Variants in PCDHGA4 observed in about 807,000 individuals in gnomAD.
PCDHGA4 encodes the protein protocadherin gamma-A4.
A neutral mutation model predicts 54.6 loss-of-function variants in PCDHGA4; 38 were observed. That is an observed-to-expected ratio of 0.70 (90% CI 0.54 to 0.91). PCDHGA4 has a LOEUF of 0.91. Ranked by LOEUF, PCDHGA4 falls within the 40% of genes least tolerant of loss-of-function variation. The probability of loss-of-function intolerance (pLI) is 0.00; values close to 1 mark genes in which losing one functional copy is unlikely to be tolerated. For missense variants in PCDHGA4, 1,298 were observed against 1,220.9 expected (o/e 1.06, Z -0.94); for synonymous variants, 511 against 512.9 (o/e 1.00, Z 0.05).
At position 141,476,978 on chromosome 5, in the gene PCDHGA4, C is replaced by T; in HGVS notation, c.2515-17829C>T. 2 of 1,614,256 alleles carry T rather than the reference C, an allele frequency of 1.2e-6. No homozygotes were observed. Among genetic ancestry groups the T allele is most frequent in the Non-Finnish European group, 1.7e-6 (2 of 1,180,058 alleles). ...TATTTACTCCTTCGGCAGCCACAAC[C>T]GCGCCGGCGTGCGGCAACTATTCGC... On this transcript the variant is annotated intron_variant, in intron 1 of 3. Coordinates refer to ENST00000571252, the MANE Select transcript of PCDHGA4 (RefSeq NM_018917.4). This position sits in a 1 kb window ranked among gnomAD's most constrained non-coding sequence, Gnocchi z 7.6.
At chr5:141,417,345 A>G (rs937116752) in intron 1 of PCDHGA4, 3 of 153,022 alleles carry the variant, frequency 2.0e-5, no homozygotes, top group African/African-American at 7.2e-5. Flanking sequence ...GAGACCTATA[A>G]ACCTTCATGC....
chr5:141,365,027 C>G, intron 1 of PCDHGA4: 1 of 1,613,896 alleles, frequency 6.2e-7, no homozygotes, highest in Non-Finnish European at 8.5e-7. Flanking sequence ...TGTTACGGTC[C>G]TCGACGCAAA....
intron 1 of PCDHGA4, chr5:141,414,350 C>G (rs1450829111): frequency 6.2e-7 from 1 of 1,613,726 alleles, no homozygotes; most frequent in East Asian, 2.2e-5. Context: ...TCCATTTTGG[C>G]GTATCTACCA....
intron 1 of PCDHGA4, chr5:141,372,919 A>T (rs1404152823): frequency 9.8e-7 from 1 of 1,018,038 alleles, no homozygotes; most frequent in Admixed American, 3.0e-5. Context: ...TATTTTATTG[A>T]TTTTCTGGTG....
In PCDHGA4 at chr5:141,356,344, G is replaced by T; in HGVS notation, c.1237G>T (p.Val413Phe). The change falls in exon 1 of 4, where the codon GTC (valine) becomes TTC (phenylalanine). Residue 413 changes from valine (V) to phenylalanine (F), a missense_variant. Transcript: ENST00000571252. ...HDSDSGGNGL[V>F]TCSIPDNLPF... ...CAGTGACTCAGGAGGAAATGGCCTA[G>T]TCACATGTTCTATTCCAGATAATCT... is the stretch of plus-strand genomic sequence containing the variant. 6.4e-7 allele frequency: 1 copy of T among 1,555,242 alleles called. No individual in the cohort carries two copies. Among genetic ancestry groups the T allele is most frequent in the South Asian group, 1.2e-5 (1 of 84,740 alleles).
intron 2 of PCDHGA4, among the ~76,000 whole-genome samples, chr5:141,498,825 C>A (rs2099786017): frequency 6.6e-6 from 1 of 151,974 alleles, no homozygotes; most frequent in Admixed American, 6.6e-5. Flanking sequence ...CCCAGCTACT[C>A]AGGAGGCTGA....
At position 141,379,889 on chromosome 5, in the gene PCDHGA4, C is replaced by CTTT. The variant is rs70988800; in HGVS notation, c.2514+22296_2514+22298dup. On this transcript the variant is annotated intron_variant, in intron 1 of 3. Transcript: ENST00000571252. Reference sequence around the variant, plus strand: ...CTTATTTTATGGTCTGTGAAAGCCTCTTTTTTTTTTTTTTTTTTTTTTTTT... The same window carrying CTTT: ...CTTATTTTATGGTCTGTGAAAGCCTCTTTTTTTTTTTTTTTTTTTTTTTTTTTT... Among the ~76,000 whole-genome samples the CTTT allele has an allele frequency of 4.3e-3, 221 of 50,830 alleles. 36 individuals are homozygous for CTTT. The highest frequency in any genetic ancestry group is 5.4e-3 in the Non-Finnish European group (141 of 25,886). The allele number at this position is 50,830 out of a possible 152,430, so 33.3% of individuals were successfully genotyped here.
At position 141,485,930 on chromosome 5, in the gene PCDHGA4, G is replaced by C; in HGVS notation, c.2515-8877G>C. ...ATCCAGCTACAGGATTAGTGTGTTGGAGAGCGCACCAGCGGGCATGGTGCT... is the reference window on the plus strand; with the variant it reads ...ATCCAGCTACAGGATTAGTGTGTTGCAGAGCGCACCAGCGGGCATGGTGCT... On this transcript the variant is annotated intron_variant, in intron 1 of 3. Coordinates refer to ENST00000571252, the MANE Select transcript of PCDHGA4 (RefSeq NM_018917.4). The surrounding 1 kb of genome is among the most constrained non-coding windows in gnomAD (Gnocchi z 5.7). 6.2e-7 allele frequency: 1 copy of C among 1,614,178 alleles called. No homozygotes were observed. The highest frequency in any genetic ancestry group is 8.5e-7 in the Non-Finnish European group (1 of 1,180,042).
intron 1 of PCDHGA4, among the ~76,000 whole-genome samples, chr5:141,438,948 G>A (rs2154558298): frequency 6.6e-6 from 1 of 152,142 alleles, no homozygotes; most frequent in Middle Eastern, 3.4e-3. Context: ...TTATAGGCAT[G>A]AGCCACCGCA....
intron 1 of PCDHGA4, 84 bp from the exon 2 acceptor site, chr5:141,494,723 C>T: frequency 1.9e-6 from 3 of 1,606,114 alleles, no homozygotes; most frequent in Non-Finnish European, 2.6e-6. Flanking sequence ...TCCCCTCCTT[C>T]TCTCCCGGCC....
rs2098680935 is a variant in PCDHGA4, at chr5:141,450,471, G to A, written c.2515-44336G>A. 2.0e-5 allele frequency among the ~76,000 whole-genome samples: 3 copies of A among 147,910 alleles called. No homozygotes were observed. In the South Asian group the frequency reaches 6.2e-4, roughly 31 times the overall value. ...GTTTCCTCGTGATTTTATATATAGA[G>A]TTTGTTTGTTTGTTTGTCTGTTTGT... On this transcript the variant is annotated intron_variant, in intron 1 of 3. Transcript: ENST00000571252.
At chr5:141,374,010 T>A in intron 1 of PCDHGA4, 1 of 1,364,772 alleles carries the variant, frequency 7.3e-7, no homozygotes, top group Non-Finnish European at 9.6e-7. Flanking sequence ...CACCGCTATT[T>A]CTGAGAAGAG....
At chr5:141,407,980 C>G in intron 1 of PCDHGA4, 1 of 760,358 alleles carries the variant, frequency 1.3e-6, no homozygotes, top group Non-Finnish European at 2.0e-6. Flanking sequence ...CGCCGGGGAT[C>G]CGTCAGCCTC....
chr5:141,432,873 T>A lies in PCDHGA4; in HGVS notation c.2515-61934T>A, dbSNP rs753576338. ...GTGGCCGCGGTCTCCTGCGTCTTCCTGGCCTTCGTCATCTTGCTGCTGGCG... is the reference window on the plus strand; with the variant it reads ...GTGGCCGCGGTCTCCTGCGTCTTCCAGGCCTTCGTCATCTTGCTGCTGGCG... On this transcript the variant is annotated intron_variant, in intron 1 of 3. Transcript: ENST00000571252. This position sits in a 1 kb window ranked among gnomAD's most constrained non-coding sequence, Gnocchi z 6.0. 1.4e-5 allele frequency: 22 copies of A among 1,614,204 alleles called. No individual in the cohort carries two copies. The highest frequency in any genetic ancestry group is 3.3e-4 in the Middle Eastern group (2 of 6,062).
intron 1 of PCDHGA4, among the ~76,000 whole-genome samples, chr5:141,461,376 T>C (rs2099014225): frequency 6.6e-6 from 1 of 152,184 alleles, no homozygotes; most frequent in South Asian, 2.1e-4. Context: ...AATTTGCATT[T>C]TCCTGATGAT....
intron 2 of PCDHGA4, among the ~76,000 whole-genome samples, chr5:141,502,866 C>CTTTTTT (rs549047197): frequency 2.0e-4 from 26 of 128,026 alleles, no homozygotes; most frequent in African/African-American, 6.2e-4. Flanking sequence ...GACTCTCTGT[C>CTTTTTT]TTTTTTTTTT....
chr5:141,435,027 AC>A (rs1485237615), intron 1 of PCDHGA4, among the ~76,000 whole-genome samples: 1 of 151,978 alleles, frequency 6.6e-6, no homozygotes, highest in Non-Finnish European at 1.5e-5. Flanking sequence ...CTCTTTTCCC[AC>A]TTTTATTTTT....
At chr5:141,479,048 C>A (rs1253895615) in intron 1 of PCDHGA4, among the ~76,000 whole-genome samples, 1 of 152,150 alleles carries the variant, frequency 6.6e-6, no homozygotes, top group Admixed American at 6.5e-5. Flanking sequence ...GTACCTCATT[C>A]TCAGATAATT....
intron 1 of PCDHGA4, chr5:141,377,947 G>A (rs1280441389): frequency 1.3e-5 from 2 of 152,286 alleles, no homozygotes; most frequent in Middle Eastern, 3.4e-3. Flanking sequence ...TATAGAGTGT[G>A]TATCCAGGGC....
Sources: allele counts gnomAD v4.1 joint callset (sites outside exome capture counted in the v4.1 genomes callset), GRCh38; gene constraint gnomAD v4.1.1; non-coding constraint Gnocchi (gnomAD v3.1); transcripts MANE v1.5; gene names NCBI Gene and HGNC (gene_info 2026-07-23, HGNC 2026-07-21).